Variants in RIPOR2 observed in about 807,000 individuals in gnomAD.
RIPOR2 encodes rho family-interacting cell polarization regulator 2.
In RIPOR2, 39 loss-of-function variants were observed where a neutral mutation model predicts 114.5. The observed-to-expected ratio is 0.34, with a 90% CI of 0.26 to 0.44. The LOEUF (loss-of-function observed/expected upper bound fraction) is 0.44. Among genes scored for constraint, RIPOR2 ranks in the 20% least tolerant of loss-of-function variants. RIPOR2 has a pLI of 1.00. For missense variants in RIPOR2, 1,007 were observed against 1,255.1 expected, an observed-to-expected ratio of 0.80 and a Z score of 2.99; for synonymous variants, 445 against 484.4, an observed-to-expected ratio of 0.92 and a Z score of 1.07.
chr6:24,908,345 C>T (rs1031013564), intron 1 of RIPOR2, among the ~76,000 whole-genome samples: 4 of 152,212 alleles, frequency 2.6e-5, no homozygotes, highest in Admixed American at 6.5e-5. Flanking sequence ...TTAAATAAAA[C>T]TCTGGTTTGC....
chr6:25,035,886 C>T (rs902566372), intron 1 of RIPOR2, among the ~76,000 whole-genome samples: 2 of 152,174 alleles, frequency 1.3e-5, no homozygotes, highest in African/African-American at 4.8e-5. Context: ...CATCTGAAGA[C>T]AGTGGTATTT....
intron 10 of RIPOR2, among the ~76,000 whole-genome samples, chr6:24,850,275 T>A (rs1172188003): frequency 6.6e-6 from 1 of 151,268 alleles, no homozygotes; most frequent in African/African-American, 2.4e-5. Flanking sequence ...TTTGTACTTT[T>A]GTAGAGACGG....
At chr6:25,035,361 CA>C (rs1316311067) in intron 1 of RIPOR2, among the ~76,000 whole-genome samples, 2 of 152,182 alleles carry the variant, frequency 1.3e-5, no homozygotes, top group Non-Finnish European at 2.9e-5. Context: ...TTAAAAGAAA[CA>C]GAAACCAAGA....
Position 24,958,119 on chromosome 6 carries a change from G to A in RIPOR2, c.77-82302C>T, listed in dbSNP as rs184423694. The stretch of plus-strand genomic sequence containing the variant: ...TTTAGGCAAAAATGGAAAAATATCC[G>A]AATGCCTAAGAATCAGAGAATGAAT... On this transcript the variant is annotated intron_variant, in intron 1 of 13. Transcript: ENST00000510784. Among the ~76,000 whole-genome samples, 537 of 152,108 alleles carry A rather than the reference G, an allele frequency of 3.5e-3. 3 individuals carry two copies. Among genetic ancestry groups the A allele is most frequent in the African/African-American group, 0.011 (471 of 41,478 alleles).
intron 10 of RIPOR2, 122 bp from the exon 11 acceptor site, chr6:24,850,072 G>T: frequency 1.4e-6 from 1 of 720,292 alleles, no homozygotes; most frequent in Non-Finnish European, 2.2e-6. Context: ...TCTGAAATCA[G>T]AAGCGGATTT....
intron 1 of RIPOR2, among the ~76,000 whole-genome samples, chr6:24,942,732 T>C (rs889398403): frequency 1.3e-5 from 2 of 152,254 alleles, no homozygotes; most frequent in African/African-American, 4.8e-5. Context: ...TGTCTGTTCA[T>C]ATCCTTTGCC....
intron 1 of RIPOR2, among the ~76,000 whole-genome samples, chr6:25,016,664 T>C (rs1168158673): frequency 6.6e-6 from 1 of 152,262 alleles, no homozygotes; most frequent in Non-Finnish European, 1.5e-5. Flanking sequence ...GTCTTGTGTC[T>C]GGCGATAATA....
chr6:24,871,069 A>G (rs1333093754), intron 4 of RIPOR2, among the ~76,000 whole-genome samples, 180 bp from the exon 5 acceptor site: 1 of 152,222 alleles, frequency 6.6e-6, no homozygotes, highest in African/African-American at 2.4e-5. Flanking sequence ...GCTTTAAAAG[A>G]ATAAAAACTT....
At chr6:24,852,479 A>G (rs1763058592) in intron 9 of RIPOR2, 96 bp downstream of exon 9, 1 of 997,476 alleles carries the variant, frequency 1.0e-6, no homozygotes, top group Admixed American at 2.2e-5. Context: ...AAATTAAAAA[A>G]AAAAAAGACA....
At chr6:25,000,014 A>T (rs950769717) in intron 1 of RIPOR2, among the ~76,000 whole-genome samples, 1 of 152,202 alleles carries the variant, frequency 6.6e-6, no homozygotes, top group African/African-American at 2.4e-5. Flanking sequence ...AGCTTCAAGT[A>T]TGCCTTGCCC....
intron 12 of RIPOR2, among the ~76,000 whole-genome samples, chr6:24,844,678 T>C (rs924308286): frequency 2.6e-5 from 4 of 152,028 alleles, no homozygotes; most frequent in African/African-American, 9.7e-5. Context: ...GATTTCGCCA[T>C]GTTGGTCAGG....
rs1581997489 is a variant in RIPOR2 at position 25,037,433 on chromosome 6, G to A, written c.76+4418C>T. ...TCATGTAGAAGGCCCAGGCACCCAC[G>A]GGCTGTTGCTGTGTCTATACTCCTC... On this transcript the variant is annotated intron_variant, in intron 1 of 13. Coordinates refer to the RIPOR2 transcript ENST00000510784. The surrounding 1 kb of genome is among the most constrained non-coding windows in gnomAD (Gnocchi z 4.5). 6.6e-6 allele frequency among the ~76,000 whole-genome samples: 1 copy of A among 152,112 alleles called. No homozygotes were observed.
At chr6:24,891,638 G>T (rs1402511974) in intron 1 of RIPOR2, among the ~76,000 whole-genome samples, 1 of 152,122 alleles carries the variant, frequency 6.6e-6, no homozygotes, top group Non-Finnish European at 1.5e-5. Context: ...AAAGACAAAA[G>T]AATACATTAG....
At chr6:24,952,312 C>T (rs182969970) in intron 1 of RIPOR2, among the ~76,000 whole-genome samples, 97 of 152,320 alleles carry the variant, frequency 6.4e-4, no homozygotes, top group African/African-American at 2.2e-3. Context: ...TCCATCCATT[C>T]ATCCAGCCAG....
chr6:24,895,328 C>T (rs528292299), intron 1 of RIPOR2, among the ~76,000 whole-genome samples: 9 of 152,206 alleles, frequency 5.9e-5, no homozygotes, highest in African/African-American at 1.7e-4. Flanking sequence ...GGATTATTGG[C>T]GTGAGCCACC....
At chr6:24,941,838 T>C (rs571345852) in intron 1 of RIPOR2, among the ~76,000 whole-genome samples, 1 of 152,150 alleles carries the variant, frequency 6.6e-6, no homozygotes, top group Non-Finnish European at 1.5e-5. Context: ...CCCCTTTTTT[T>C]AACCTCAAGA....
chr6:24,835,254 AT>A (rs1396917199), intron 15 of RIPOR2, among the ~76,000 whole-genome samples: 3 of 152,360 alleles, frequency 2.0e-5, no homozygotes, highest in East Asian at 3.9e-4. Flanking sequence ...AGAATTACTT[AT>A]TCAAGGTCCA....
At chr6:24,842,722 T>A (rs1329694329) in intron 13 of RIPOR2, 140 bp downstream of exon 13, 1 of 431,916 alleles carries the variant, frequency 2.3e-6, no homozygotes. Flanking sequence ...GGCATATTAG[T>A]GCCATTTAAA....
At chr6:24,840,606 C>A in intron 13 of RIPOR2, 1 of 1,509,774 alleles carries the variant, frequency 6.6e-7, no homozygotes, top group South Asian at 1.2e-5. Context: ...TTTCTTAGCG[C>A]AAGGTAGGAA....
Sources: gnomAD v4.1 joint callset for allele counts (sites outside exome capture counted in the v4.1 genomes callset) on GRCh38, gnomAD v4.1.1 for gene constraint, Gnocchi (gnomAD v3.1) non-coding constraint, MANE v1.5 for transcripts, NCBI Gene and HGNC (gene_info 2026-07-23, HGNC 2026-07-21) for gene names.